The following NCKAP5 variants were observed in gnomAD, a reference collection of about 807,000 sequenced individuals.
NCKAP5 encodes NCK associated protein 5, also known as nck-associated protein 5.
NCKAP5 carries 92 observed loss-of-function variants against 167.0 expected under a neutral mutation model. The observed-to-expected ratio is 0.55, with a 90% CI of 0.47 to 0.66. The LOEUF (loss-of-function observed/expected upper bound fraction) is 0.66. Ranked by LOEUF, NCKAP5 falls within the 30% of genes least tolerant of loss-of-function variation. NCKAP5 has a pLI of 0.00. For synonymous variants in NCKAP5, 891 were observed against 877.4 expected, an observed-to-expected ratio of 1.02 and a Z score of -0.27; for missense variants, 2,378 against 2,315.0, an observed-to-expected ratio of 1.03 and a Z score of -0.56.
chr2:133,286,162 AT>A (rs556240617), intron 4 of NCKAP5, among the ~76,000 whole-genome samples: 2,648 of 151,736 alleles, frequency 0.017, 78 homozygotes, highest in African/African-American at 0.057. Flanking sequence ...TGCCAGGCTA[AT>A]TTTTTTTGTA....
chr2:133,422,907 A>G (rs1689573100), intron 3 of NCKAP5, among the ~76,000 whole-genome samples: 1 of 152,122 alleles, frequency 6.6e-6, no homozygotes, highest in South Asian at 2.1e-4. Context: ...TTCATGCACC[A>G]GAGAACAAAG....
intron 3 of NCKAP5, among the ~76,000 whole-genome samples, chr2:133,420,081 C>A (rs1689377232): frequency 6.6e-6 from 1 of 152,172 alleles, no homozygotes; most frequent in Admixed American, 6.5e-5. Flanking sequence ...TTTCTAATAT[C>A]TTTTAGGGAA....
At chr2:132,920,659 T>TAATATATA (rs1695249857) in intron 8 of NCKAP5, among the ~76,000 whole-genome samples, 1 of 82,018 alleles carries the variant, frequency 1.2e-5, no homozygotes, top group African/African-American at 5.9e-5. Context: ...ATGGAAGAAC[T>TAATATATA]TATATATATA....
intron 19 of NCKAP5, among the ~76,000 whole-genome samples, chr2:132,687,192 C>T (rs748499339): frequency 6.6e-6 from 1 of 152,276 alleles, no homozygotes; most frequent in East Asian, 1.9e-4. Context: ...TGAGTGACTT[C>T]AGTGGGGTCC....
At chr2:133,630,729 G>GT in the NCKAP5 span, among the ~76,000 whole-genome samples, 1 of 152,130 alleles carries the variant, frequency 6.6e-6, no homozygotes, top group East Asian at 1.9e-4. Context: ...AGGCATCTTA[G>GT]TTTTCCCTGT....
At chr2:132,853,155 C>T (rs928489686) in intron 11 of NCKAP5, among the ~76,000 whole-genome samples, 1 of 152,174 alleles carries the variant, frequency 6.6e-6, no homozygotes, top group Non-Finnish European at 1.5e-5. Context: ...GAAAGAAAAG[C>T]AGGTTGCAGG....
intron 5 of NCKAP5, among the ~76,000 whole-genome samples, chr2:133,144,407 C>CA (rs1464758827): frequency 6.6e-6 from 1 of 151,946 alleles, no homozygotes; most frequent in Non-Finnish European, 1.5e-5. Context: ...CCAGCTATAA[C>CA]AAAAAAATAA....
chr2:133,003,012 A>C (rs2149337608), intron 6 of NCKAP5, among the ~76,000 whole-genome samples: 1 of 152,326 alleles, frequency 6.6e-6, no homozygotes, highest in East Asian at 1.9e-4. Context: ...TGTAAAACAA[A>C]CCAAATATCT....
chr2:133,094,165 TCG>T (rs2081275587), intron 6 of NCKAP5, among the ~76,000 whole-genome samples: 1 of 152,168 alleles, frequency 6.6e-6, no homozygotes, highest in Admixed American at 6.5e-5. Context: ...GTGAACATTG[TCG>T]CCGGATAATA....
chr2:133,467,439 A>G (rs1261461198), intron 3 of NCKAP5, among the ~76,000 whole-genome samples: 1 of 152,082 alleles, frequency 6.6e-6, no homozygotes, highest in Non-Finnish European at 1.5e-5. Context: ...TTTTTGCATC[A>G]ATGTTCATCA....
chr2:133,540,084 G>A lies in NCKAP5; in HGVS notation c.-62+18966C>T, dbSNP rs372896056. Among the ~76,000 whole-genome samples, 43 of 152,260 alleles carry A rather than the reference G, an allele frequency of 2.8e-4. No homozygotes were observed. In the East Asian group the frequency reaches 8.1e-3, roughly 29 times the overall value. ...CAGTCCCAGCTACTCAGGAGGCTGCGGTAGGGGAATTGCTTGAACCCGGGA... is the reference window on the plus strand; with the variant it reads ...CAGTCCCAGCTACTCAGGAGGCTGCAGTAGGGGAATTGCTTGAACCCGGGA... On this transcript the variant is annotated intron_variant, in intron 2 of 19. Transcript: ENST00000409261.
chr2:133,217,096 C>T (rs2086460795), intron 4 of NCKAP5, among the ~76,000 whole-genome samples: 1 of 152,076 alleles, frequency 6.6e-6, no homozygotes, highest in African/African-American at 2.4e-5. Context: ...TATTGAGAAG[C>T]TTTGGTAAAT....
At chr2:133,198,232 G>T (rs1053122889) in intron 5 of NCKAP5, among the ~76,000 whole-genome samples, 1 of 152,056 alleles carries the variant, frequency 6.6e-6, no homozygotes, top group African/African-American at 2.4e-5. Context: ...AAAAAGTGTG[G>T]TGCAAACATA....
intron 2 of NCKAP5, among the ~76,000 whole-genome samples, chr2:133,555,283 C>T (rs938842868): frequency 2.0e-5 from 3 of 152,184 alleles, no homozygotes; most frequent in Admixed American, 6.5e-5. Context: ...GAATGGCTCT[C>T]GTCTACTCAC....
At chr2:133,585,769 G>A in the NCKAP5 span, among the ~76,000 whole-genome samples, 1 of 152,124 alleles carries the variant, frequency 6.6e-6, no homozygotes, top group South Asian at 2.1e-4. Flanking sequence ...AGACTCAGAG[G>A]GGTTAATTAT....
At chr2:133,376,011 G>A (rs1481924668) in intron 3 of NCKAP5, among the ~76,000 whole-genome samples, 2 of 152,162 alleles carry the variant, frequency 1.3e-5, no homozygotes, top group African/African-American at 2.4e-5. Flanking sequence ...GCTCCTGCAG[G>A]ACCAAATGCC....
chr2:132,957,100 T>C (rs902592786), intron 8 of NCKAP5, among the ~76,000 whole-genome samples: 1 of 152,154 alleles, frequency 6.6e-6, no homozygotes, highest in Admixed American at 6.6e-5. Flanking sequence ...CTGAACTTTG[T>C]ATTTCCACCT....
intron 7 of NCKAP5, among the ~76,000 whole-genome samples, chr2:132,974,230 A>G (rs895107927): frequency 6.6e-6 from 1 of 152,234 alleles, no homozygotes; most frequent in South Asian, 2.1e-4. Flanking sequence ...AGAAGTTAAA[A>G]CAGAACTTGT....
At chr2:132,675,398 G>A (rs1288354729) in intron 19 of NCKAP5, among the ~76,000 whole-genome samples, 1 of 152,222 alleles carries the variant, frequency 6.6e-6, no homozygotes, top group East Asian at 1.9e-4. Flanking sequence ...CTGGCAGACA[G>A]TAGTGGGTGT....
Sources: allele counts gnomAD v4.1 joint callset (sites outside exome capture counted in the v4.1 genomes callset), GRCh38; gene constraint gnomAD v4.1.1; transcripts MANE v1.5; gene names NCBI Gene and HGNC (gene_info 2026-07-23, HGNC 2026-07-21).